The following RXRA variants were observed in gnomAD, a reference collection of about 807,000 sequenced individuals.
RXRA encodes retinoic acid receptor RXR-alpha.
In RXRA, 5 loss-of-function variants were observed where a neutral mutation model predicts 44.5. That is an observed-to-expected ratio of 0.11 (90% CI 0.06 to 0.24). The LOEUF is 0.24. RXRA is among the 10% of genes least tolerant of loss of function. RXRA has a pLI of 1.00. For synonymous variants in RXRA, 291 were observed against 271.4 expected, an observed-to-expected ratio of 1.07 and a Z score of -0.71; for missense variants, 412 against 646.5, an observed-to-expected ratio of 0.64 and a Z score of 3.93.
At chr9:134,355,530 G>A (rs1830272778) in intron 1 of RXRA, among the ~76,000 whole-genome samples, 1 of 152,072 alleles carries the variant, frequency 6.6e-6, no homozygotes, top group Non-Finnish European at 1.5e-5. Flanking sequence ...CACTTCTCAG[G>A]GTGGGTTGGG....
chr9:134,345,276 A>G (rs1163533142), intron 1 of RXRA, among the ~76,000 whole-genome samples: 1 of 152,166 alleles, frequency 6.6e-6, no homozygotes, highest in Non-Finnish European at 1.5e-5. Context: ...GGCTCTGTGG[A>G]GGGCCAGTTG....
chr9:134,348,837 G>T (rs917854938), intron 1 of RXRA, among the ~76,000 whole-genome samples: 1 of 152,216 alleles, frequency 6.6e-6, no homozygotes, highest in Non-Finnish European at 1.5e-5. Context: ...CGGGCCTGGG[G>T]TTGCAGTCCC....
intron 1 of RXRA, among the ~76,000 whole-genome samples, chr9:134,385,783 C>T (rs555032172): frequency 6.6e-6 from 1 of 152,372 alleles, no homozygotes; most frequent in East Asian, 1.9e-4. Flanking sequence ...GCCATCGCCC[C>T]CCAGCACGCA....
chr9:134,401,184 G>T (rs553868874), intron 1 of RXRA, among the ~76,000 whole-genome samples: 1 of 152,216 alleles, frequency 6.6e-6, no homozygotes, highest in Non-Finnish European at 1.5e-5. Context: ...GCAGGTGCTC[G>T]GCGACATCAG....
Position 134,365,297 on chromosome 9 carries a change from C to T in RXRA, c.29-36335C>T, listed in dbSNP as rs1830400358. Among the ~76,000 whole-genome samples, 1 of 152,230 alleles carries T rather than the reference C, an allele frequency of 6.6e-6. No homozygotes were observed. Among genetic ancestry groups the T allele is most frequent in the Admixed American group, 6.5e-5 (1 of 15,284 alleles). ...CCTGCAGGCGCTCGAGCTGAAAGCC[C>T]TCGCCCCTCGTGGTGGGGCAGCGCG... On this transcript the variant is annotated intron_variant, in intron 1 of 9. Coordinates refer to ENST00000481739, the MANE Select transcript of RXRA (RefSeq NM_002957.6). This position sits in a 1 kb window ranked among gnomAD's most constrained non-coding sequence, Gnocchi z 4.0.
chr9:134,380,378 G>A (rs1206456442), intron 1 of RXRA, among the ~76,000 whole-genome samples: 3 of 152,078 alleles, frequency 2.0e-5, no homozygotes, highest in East Asian at 3.9e-4. Context: ...CCAGGGGCCA[G>A]ATCAGGGCTG....
chr9:134,374,538 C>T (rs910936117), intron 1 of RXRA, among the ~76,000 whole-genome samples: 13 of 152,162 alleles, frequency 8.5e-5, no homozygotes, highest in African/African-American at 3.1e-4. Flanking sequence ...GAGGGAGGCC[C>T]CCGGGGCACC....
At position 134,401,694 on chromosome 9, in the gene RXRA, C is replaced by T. The variant is rs1380084201; in HGVS notation, c.91C>T (p.Pro31Ser). ...SPTGRGSMAA[P>S]SLHPSLGPGI... ...GACGGGGCGAGGCTCCATGGCTGCC[C>T]CCTCGCTGCACCCGTCCCTGGGGCC... Residue 31 changes from proline to serine, a missense_variant, in exon 2 of 10, where the codon CCC becomes TCC. By Grantham distance (74) the Pro-to-Ser change is moderately conservative. Transcript: ENST00000481739. 1.2e-6 allele frequency: 2 copies of T among 1,612,980 alleles called. No individual in the cohort carries two copies. Among genetic ancestry groups the T allele is most frequent in the Non-Finnish European group, 1.7e-6 (2 of 1,179,978 alleles).
In RXRA at chr9:134,421,813, G is replaced by T. The variant is rs1439358370; in HGVS notation, c.910+8G>T. 6.2e-7 allele frequency: 1 copy of T among 1,612,580 alleles called. No homozygotes were observed. The highest frequency in any genetic ancestry group is 1.3e-5 in the African/African-American group (1 of 74,876). Reference sequence around the variant, plus strand: ...TCATCCTGCTGCGGGCAGGTGAGTGGCGAGGCCTAGGTGGGGATGGGGATG... The same window carrying T: ...TCATCCTGCTGCGGGCAGGTGAGTGTCGAGGCCTAGGTGGGGATGGGGATG... On this transcript the variant is annotated splice_region_variant and intron_variant, in intron 6 of 9. Transcript: ENST00000481739.
chr9:134,374,606 C>T lies in RXRA; in HGVS notation c.29-27026C>T, dbSNP rs139739888. The stretch of plus-strand genomic sequence containing the variant: ...CCCACAACCTCCACATGTTGAGCCC[C>T]GAGCAAATGCCGTTCCCTCTGTCTA... On this transcript the variant is annotated intron_variant, in intron 1 of 9. Transcript: ENST00000481739. Among the ~76,000 whole-genome samples the T allele has an allele frequency of 3.9e-5, 6 of 152,344 alleles. No individual in the cohort carries two copies. In the East Asian group the frequency reaches 1.2e-3, roughly 29 times the overall value.
At chr9:134,382,507 C>T (rs1830661641) in intron 1 of RXRA, among the ~76,000 whole-genome samples, 2 of 152,166 alleles carry the variant, frequency 1.3e-5, no homozygotes, top group South Asian at 4.1e-4. Flanking sequence ...GCTGTCTTGG[C>T]TTTGCTGGAC....
At chr9:134,360,914 C>T (rs7853934) in intron 1 of RXRA, among the ~76,000 whole-genome samples, 33,654 of 152,214 alleles carry the variant, frequency 0.22, 3,848 homozygotes, top group African/African-American at 0.27. Flanking sequence ...CGATGCAGGG[C>T]GAGGGTTCCG....
chr9:134,379,891 T>G, intron 1 of RXRA: 1 of 985,244 alleles, frequency 1.0e-6, no homozygotes, highest in Non-Finnish European at 1.2e-6. Context: ...CCCTCTCCAG[T>G]ATGGCAGAGC....
chr9:134,422,906 C>T (rs1588304292), intron 6 of RXRA: 2 of 985,338 alleles, frequency 2.0e-6, no homozygotes, highest in East Asian at 2.3e-4. Context: ...TGCCCTTCTC[C>T]TCCCACTCCA....
intron 6 of RXRA, among the ~76,000 whole-genome samples, chr9:134,428,631 C>A (rs980543808): frequency 2.0e-5 from 3 of 152,330 alleles, no homozygotes; most frequent in Admixed American, 2.0e-4. Context: ...CTGGGAATCC[C>A]CCCGAAAGAG....
At chr9:134,422,821 C>T (rs921384162) in intron 6 of RXRA, 51 of 985,314 alleles carry the variant, frequency 5.2e-5, no homozygotes, top group Non-Finnish European at 5.9e-5. Flanking sequence ...AATGGGCTGT[C>T]GGTGGAGGTT....
chr9:134,421,814 C>G lies in RXRA; in HGVS notation c.910+9C>G, dbSNP rs201440938. The G allele has an allele frequency of 2.9e-5, 47 of 1,612,374 alleles. 1 individual carries two copies. The Admixed American group carries it at 7.8e-4, about 27-fold the overall frequency. ...CATCCTGCTGCGGGCAGGTGAGTGG[C>G]GAGGCCTAGGTGGGGATGGGGATGC... On this transcript the variant is annotated intron_variant, in intron 6 of 9. Coordinates refer to ENST00000481739, the MANE Select transcript of RXRA (RefSeq NM_002957.6).
Position 134,426,319 on chromosome 9 carries a change from A to AG in RXRA, c.911-2787dup, listed in dbSNP as rs750633706. On this transcript the variant is annotated intron_variant, in intron 6 of 9. Transcript: ENST00000481739. This position sits in a 1 kb window ranked among gnomAD's most constrained non-coding sequence, Gnocchi z 4.6. ...TCCTTCCTGCAGCGATGGAGCACTT[A>AG]GGAAGGTGAAGACACCCCAAAGGTT... is the stretch of plus-strand genomic sequence containing the variant. 45 of 985,422 alleles carry AG rather than the reference A, an allele frequency of 4.6e-5. No homozygotes were observed. The highest frequency in any genetic ancestry group is 3.9e-5 in the Non-Finnish European group (32 of 829,928). The allele number at this position is 985,422 out of a possible 1,614,324, so 61.0% of individuals were successfully genotyped here. A position where few individuals can be genotyped will look rare whatever the true frequency, so the allele number is the denominator to read the frequency against.
At chr9:134,347,233 G>A (rs1489541652) in intron 1 of RXRA, among the ~76,000 whole-genome samples, 1 of 152,202 alleles carries the variant, frequency 6.6e-6, no homozygotes, top group Non-Finnish European at 1.5e-5. Flanking sequence ...AGGAGAGCAG[G>A]TAGAGAAAGG....
Sources: gnomAD v4.1 joint callset for allele counts (sites outside exome capture counted in the v4.1 genomes callset) on GRCh38, gnomAD v4.1.1 for gene constraint, Gnocchi (gnomAD v3.1) non-coding constraint, MANE v1.5 for transcripts, NCBI Gene and HGNC (gene_info 2026-07-23, HGNC 2026-07-21) for gene names.